Variants in RAB31 observed in about 807,000 individuals in gnomAD.
RAB31 encodes RAB31, member RAS oncogene family.
In RAB31, 21 loss-of-function variants were observed where a neutral mutation model predicts 25.6. That is an observed-to-expected ratio of 0.82 (90% CI 0.58 to 1.18). RAB31 has a LOEUF of 1.18. Ranked by LOEUF, RAB31 falls within the 50% of genes most tolerant of loss-of-function variation. The pLI is 0.00. For synonymous variants in RAB31, 87 were observed against 84.0 expected (o/e 1.04, Z -0.20); for missense variants, 196 against 250.1 (o/e 0.78, Z 1.46).
intron 2 of RAB31, among the ~76,000 whole-genome samples, chr18:9,775,704 A>G (rs549142214): frequency 3.3e-5 from 5 of 152,218 alleles, no homozygotes; most frequent in South Asian, 2.1e-4. Context: ...TTGCCTGCTA[A>G]TAAACCCTGA....
chr18:9,783,910 A>G (rs1300806812), intron 2 of RAB31, among the ~76,000 whole-genome samples: 2 of 152,246 alleles, frequency 1.3e-5, no homozygotes, highest in African/African-American at 4.8e-5. Context: ...AAAGATTAAT[A>G]ATGGTGAGGA....
Position 9,708,347 on chromosome 18 carries a change from G to T in RAB31, c.-59G>T. On this transcript the variant is annotated 5_prime_UTR_variant, in exon 1 of 7. Coordinates refer to ENST00000578921, the MANE Select transcript of RAB31 (RefSeq NM_006868.4). The surrounding 1 kb of genome is among the most constrained non-coding windows in gnomAD (Gnocchi z 6.4). ...CAGAGGCGAGAGACGCCGGCGGGGC[G>T]CGGGCGCGGCGGCCCCGGAGGATGC... 7.4e-7 allele frequency: 1 copy of T among 1,359,372 alleles called. No homozygotes were observed. The highest frequency in any genetic ancestry group is 9.8e-7 in the Non-Finnish European group (1 of 1,024,308). 84.2% of individuals were successfully genotyped at this position (1,359,372 alleles called of 1,614,324 possible). A position where few individuals can be genotyped will look rare whatever the true frequency, so the allele number is the denominator to read the frequency against.
chr18:9,849,997 G>T (rs575510612), intron 6 of RAB31, among the ~76,000 whole-genome samples: 10 of 152,320 alleles, frequency 6.6e-5, no homozygotes, highest in African/African-American at 2.4e-4. Context: ...AAGGAGGAAA[G>T]TCTCCGCATG....
At chr18:9,718,837 T>C (rs1191087999) in intron 1 of RAB31, among the ~76,000 whole-genome samples, 1 of 150,908 alleles carries the variant, frequency 6.6e-6, no homozygotes, top group African/African-American at 2.5e-5. Flanking sequence ...ATCCCATTCA[T>C]GAGAGCTCTA....
chr18:9,715,654 T>C (rs536202500), intron 1 of RAB31, among the ~76,000 whole-genome samples: 1 of 151,836 alleles, frequency 6.6e-6, no homozygotes, highest in African/African-American at 2.4e-5. Flanking sequence ...CTCAGTCTCC[T>C]GAGTAGCTGA....
At chr18:9,838,266 T>C (rs1407901614) in intron 5 of RAB31, among the ~76,000 whole-genome samples, 3 of 152,264 alleles carry the variant, frequency 2.0e-5, no homozygotes, top group Admixed American at 1.3e-4. Flanking sequence ...AGCAGTGCAC[T>C]TGGGCTGCCT....
chr18:9,831,909 C>T (rs1441209808), intron 5 of RAB31, among the ~76,000 whole-genome samples: 2 of 152,160 alleles, frequency 1.3e-5, no homozygotes, highest in Non-Finnish European at 2.9e-5. Context: ...AGTTGTGGCT[C>T]ACAGTCCACT....
rs1228488832 is a variant in RAB31 at position 9,792,138 on chromosome 18, G to T, written c.120-16G>T. On this transcript the variant is annotated splice_polypyrimidine_tract_variant and intron_variant, in intron 2 of 6. Transcript: ENST00000578921. ...AACAATGCAGTAATGTGGAGATGCT[G>T]ACTCTCTTTTTTCAGGGCATCTTTT... 1.2e-6 allele frequency: 2 copies of T among 1,603,160 alleles called. No individual in the cohort carries two copies. Among genetic ancestry groups the T allele is most frequent in the Non-Finnish European group, 1.7e-6 (2 of 1,174,240 alleles).
chr18:9,801,010 C>G (rs891607855), intron 3 of RAB31, among the ~76,000 whole-genome samples: 1 of 152,186 alleles, frequency 6.6e-6, no homozygotes, highest in African/African-American at 2.4e-5. Flanking sequence ...TACTTTCTGT[C>G]TCTAGATTTG....
intron 6 of RAB31, chr18:9,849,739 C>T (rs530542554): frequency 2.6e-5 from 4 of 152,292 alleles, no homozygotes; most frequent in African/African-American, 9.6e-5. Flanking sequence ...ACCTGAAAAA[C>T]GAGAAAAGGC....
chr18:9,716,247 AT>A, intron 1 of RAB31, among the ~76,000 whole-genome samples: 1 of 151,936 alleles, frequency 6.6e-6, no homozygotes, highest in South Asian at 2.1e-4. Flanking sequence ...TTGTTTCCTC[AT>A]TACTTCTTTC....
At position 9,715,069 on chromosome 18, in the gene RAB31, G is replaced by A. The variant is rs139309431; in HGVS notation, c.39+6625G>A. 3.6e-3 allele frequency among the ~76,000 whole-genome samples: 548 copies of A among 152,260 alleles called. 7 individuals carry two copies. Among genetic ancestry groups the A allele is most frequent in the African/African-American group, 0.012 (514 of 41,548 alleles). ...TCTGGTCCCTGCCTGGGATGGAGAG[G>A]CTTCTGGTTGGTTCCTGTGCCACAC... On this transcript the variant is annotated intron_variant, in intron 1 of 6. Transcript: ENST00000578921.
At chr18:9,731,780 C>T (rs1192518272) in intron 1 of RAB31, among the ~76,000 whole-genome samples, 1 of 151,540 alleles carries the variant, frequency 6.6e-6, no homozygotes, top group Non-Finnish European at 1.5e-5. Context: ...ATTTTTAGTA[C>T]AGACAGGGTT....
At chr18:9,848,194 C>A (rs1425189758) in intron 6 of RAB31, among the ~76,000 whole-genome samples, 4 of 152,186 alleles carry the variant, frequency 2.6e-5, no homozygotes, top group Non-Finnish European at 5.9e-5. Context: ...GTCTGGCTAT[C>A]CATCTGTCTG....
At chr18:9,771,369 T>C (rs1742947844) in intron 1 of RAB31, among the ~76,000 whole-genome samples, 1 of 152,154 alleles carries the variant, frequency 6.6e-6, no homozygotes, top group Non-Finnish European at 1.5e-5. Flanking sequence ...ATTCTCAGAA[T>C]CTTACGAAAT....
Position 9,763,881 on chromosome 18 carries a change from T to C in RAB31, c.40-11397T>C, listed in dbSNP as rs7240045. On this transcript the variant is annotated intron_variant, in intron 1 of 6. Coordinates refer to ENST00000578921, the MANE Select transcript of RAB31 (RefSeq NM_006868.4). ...CAGTTTTATGAGAGTCCAAATCCAC[T>C]AGGCCTTTTGTTCACCAAAGCTCTT... is the stretch of plus-strand genomic sequence containing the variant. Among the ~76,000 whole-genome samples, 955 of 152,252 alleles carry C rather than the reference T, an allele frequency of 6.3e-3. 11 individuals carry two copies. Among genetic ancestry groups the C allele is most frequent in the African/African-American group, 0.021 (892 of 41,542 alleles).
At chr18:9,747,695 G>C (rs2068212714) in intron 1 of RAB31, among the ~76,000 whole-genome samples, 1 of 152,198 alleles carries the variant, frequency 6.6e-6, no homozygotes, top group African/African-American at 2.4e-5. Flanking sequence ...TGATTGCCAG[G>C]GGTGGAGAAG....
At position 9,857,547 on chromosome 18, in the gene RAB31, C is replaced by CA. The variant is rs1245317158; in HGVS notation, c.491-1669dup. On this transcript the variant is annotated intron_variant, in intron 6 of 6. Coordinates refer to ENST00000578921, the MANE Select transcript of RAB31 (RefSeq NM_006868.4). ...GGGAAAAATAAATCAATACCACAAC[C>CA]AAAAAAAAAAAAGACTTTGTCTTTA... Among the ~76,000 whole-genome samples the CA allele has an allele frequency of 5.3e-3, 720 of 135,676 alleles. 3 individuals carry two copies. The highest frequency in any genetic ancestry group is 0.014 in the African/African-American group (507 of 37,216). The allele number at this position is 135,676 out of a possible 152,430, so 89.0% of individuals were successfully genotyped here. A position where few individuals can be genotyped will look rare whatever the true frequency, so the allele number is the denominator to read the frequency against.
intron 1 of RAB31, among the ~76,000 whole-genome samples, chr18:9,750,656 G>C (rs2068230288): frequency 6.6e-6 from 1 of 152,164 alleles, no homozygotes; most frequent in African/African-American, 2.4e-5. Context: ...TTGAAATTAG[G>C]TGCTGAGGTT....
Sources: gnomAD v4.1 joint callset for allele counts (sites outside exome capture counted in the v4.1 genomes callset) on GRCh38, gnomAD v4.1.1 for gene constraint, Gnocchi (gnomAD v3.1) non-coding constraint, MANE v1.5 for transcripts, NCBI Gene and HGNC (gene_info 2026-07-23, HGNC 2026-07-21) for gene names.